Variants in ATRX observed in about 807,000 individuals in gnomAD.
ATRX encodes the protein ATRX chromatin remodeler, also known as chromatin remodeler ATRX.
A neutral mutation model predicts 172.6 loss-of-function variants in ATRX; 12 were observed. The observed-to-expected ratio is 0.07, with a 90% CI of 0.04 to 0.11. ATRX has a LOEUF of 0.11. Among genes scored for constraint, ATRX ranks in the 10% least tolerant of loss-of-function variants. The pLI is 1.00. For missense variants in ATRX, 1,368 were observed against 1,767.4 expected, an observed-to-expected ratio of 0.77 and a Z score of 4.05; for synonymous variants, 674 against 594.7, an observed-to-expected ratio of 1.13 and a Z score of -1.94.
chrX:77,649,369 A>T (rs1205536585), intron 15 of ATRX, among the ~76,000 whole-genome samples: 2 of 112,137 alleles, frequency 1.8e-5, no homozygotes, highest in East Asian at 2.8e-4. Flanking sequence ...TTATAATTTT[A>T]AAAAAATAAA....
At chrX:77,693,033 T>C (rs2071994753) in intron 6 of ATRX, among the ~76,000 whole-genome samples, 1 of 110,734 alleles carries the variant, frequency 9.0e-6, no homozygotes, top group East Asian at 2.8e-4. Flanking sequence ...ACTACAGGCA[T>C]GCGCCGCTAT....
chrX:77,743,248 G>A (rs1205364040), intron 1 of ATRX, among the ~76,000 whole-genome samples: 2 of 111,111 alleles, frequency 1.8e-5, no homozygotes, highest in Admixed American at 9.6e-5. Flanking sequence ...AAGGAACTCC[G>A]CCTGGACTGG....
chrX:77,613,693 T>A (rs925193466), intron 22 of ATRX, among the ~76,000 whole-genome samples: 1 of 112,412 alleles, frequency 8.9e-6, no homozygotes, highest in East Asian at 2.8e-4. Flanking sequence ...AAGGGACAAC[T>A]ATATTCTGCA....
rs191031292 is a variant in ATRX at position 77,729,879 on chromosome X, G to A, written c.21-12636C>T. Among the ~76,000 whole-genome samples the A allele has an allele frequency of 6.2e-5, 7 of 112,029 alleles. No homozygotes were observed. The Admixed American group carries it at 6.7e-4, about 11-fold the overall frequency. On this transcript the variant is annotated intron_variant, in intron 1 of 34. Coordinates refer to ENST00000373344, the MANE Select transcript of ATRX (RefSeq NM_000489.6). ...TTGAACCCGGGAGGCAGAGGCTGCAGTGAGCCAAGATCACGTCACCGCACT... is the reference window on the plus strand; with the variant it reads ...TTGAACCCGGGAGGCAGAGGCTGCAATGAGCCAAGATCACGTCACCGCACT...
At chrX:77,704,048 G>C (rs1381510776) in intron 2 of ATRX, among the ~76,000 whole-genome samples, 1 of 111,279 alleles carries the variant, frequency 9.0e-6, no homozygotes. Context: ...TCTCAGGAGA[G>C]AGGAGGCCTG....
rs1400501124 is a variant in ATRX, at chrX:77,539,326, C to T, written c.6700-15925G>A. Among the ~76,000 whole-genome samples the T allele has an allele frequency of 5.4e-5, 6 of 111,017 alleles. No individual in the cohort carries two copies. In the Admixed American group the frequency reaches 5.8e-4, roughly 11 times the overall value. ...GTATAAGCACTCAATATATATATTA[C>T]TCCCTTTCCCATACTGGTTTTTAAA... On this transcript the variant is annotated intron_variant, in intron 30 of 34. Coordinates refer to ENST00000373344, the MANE Select transcript of ATRX (RefSeq NM_000489.6).
At chrX:77,610,941 AT>A (rs1283978056) in intron 22 of ATRX, among the ~76,000 whole-genome samples, 1 of 108,414 alleles carries the variant, frequency 9.2e-6, no homozygotes, top group East Asian at 2.8e-4. Context: ...CATTAAAAAA[AT>A]AATAAATAAA....
chrX:77,682,572 A>G lies in ATRX; in HGVS notation c.2684T>C (p.Val895Ala). Residue 895 changes from valine to alanine, a missense_variant, in exon 9 of 35, where the codon GTT becomes GCT. Physicochemically the swap from Val to Ala is moderately conservative, Grantham distance 64. Around this residue, in one of 17 missense-constraint regions of ATRX, gnomAD observed 843 missense variants for 643.1 expected, o/e 1.31. Transcript: ENST00000373344. Reference protein sequence around the residue: ...RETFSSAEGTVDKDTTIMELR... With the variant: ...RETFSSAEGTADKDTTIMELR... ...TTCCATGATGGTCGTGTCTTTATCA[A>G]CTGTGCCTTCTGCTGAAGAGAAAGT... The G allele has an allele frequency of 8.3e-7, 1 of 1,210,878 alleles. No homozygotes were observed. Among genetic ancestry groups the G allele is most frequent in the Non-Finnish European group, 1.1e-6 (1 of 895,152 alleles).
chrX:77,559,449 CTTTTTTTTTT>C (rs782028709), intron 28 of ATRX, among the ~76,000 whole-genome samples: 1 of 41,684 alleles, frequency 2.4e-5, no homozygotes, highest in African/African-American at 1.3e-4. Flanking sequence ...CTTTCTTTCC[CTTTTTTTTTT>C]TTTTTTTTTT....
At chrX:77,687,863 T>C (rs1557144839) in intron 7 of ATRX, among the ~76,000 whole-genome samples, 1 of 112,166 alleles carries the variant, frequency 8.9e-6, no homozygotes, top group African/African-American at 3.2e-5. Flanking sequence ...CAGCTTTTTA[T>C]TGGGAAACAA....
intron 22 of ATRX, among the ~76,000 whole-genome samples, chrX:77,612,681 A>T (rs1305785462): frequency 1.1e-4 from 12 of 111,973 alleles, no homozygotes; most frequent in African/African-American, 3.9e-4. Context: ...TACAAACATC[A>T]TCACTCTCTA....
intron 27 of ATRX, among the ~76,000 whole-genome samples, chrX:77,580,982 T>C (rs1472026297): frequency 2.7e-5 from 3 of 112,124 alleles, no homozygotes; most frequent in Non-Finnish European, 5.6e-5. Flanking sequence ...AAAAACAGTG[T>C]AAAGTTGTTA....
intron 5 of ATRX, among the ~76,000 whole-genome samples, chrX:77,694,902 G>GC (rs2072099317): frequency 4.1e-5 from 2 of 49,077 alleles, no homozygotes; most frequent in South Asian, 2.6e-3. Flanking sequence ...CTGAAAGGGT[G>GC]GGGGGGGGGA....
chrX:77,504,999 A>C lies in ATRX; in HGVS notation c.*3352T>G. On this transcript the variant is annotated 3_prime_UTR_variant, in exon 35 of 35. Transcript: ENST00000373344. Reference sequence around the variant, plus strand: ...GACTGGCTCAGATTATAGACTTGAAAAAAAATAACGGTAGAAAAATGTTTA... The same window carrying C: ...GACTGGCTCAGATTATAGACTTGAACAAAAATAACGGTAGAAAAATGTTTA... 1.2e-5 allele frequency: 2 copies of C among 168,295 alleles called. No individual in the cohort carries two copies. The highest frequency in any genetic ancestry group is 2.3e-5 in the Non-Finnish European group (2 of 86,786). 13.9% of individuals were successfully genotyped at this position (168,295 alleles called of 1,213,427 possible).
At chrX:77,726,087 T>C (rs1417850516) in intron 1 of ATRX, among the ~76,000 whole-genome samples, 1 of 111,577 alleles carries the variant, frequency 9.0e-6, no homozygotes, top group African/African-American at 3.3e-5. Flanking sequence ...GATCTAGAAC[T>C]AGAAATACCA....
chrX:77,617,280 C>T (rs2067393429), intron 21 of ATRX, among the ~76,000 whole-genome samples: 1 of 111,833 alleles, frequency 8.9e-6, no homozygotes, highest in African/African-American at 3.2e-5. Context: ...AAAAACAGAA[C>T]ACCAATGTGC....
chrX:77,686,825 C>T (rs1208836921), intron 7 of ATRX, among the ~76,000 whole-genome samples: 3 of 111,051 alleles, frequency 2.7e-5, no homozygotes, highest in Non-Finnish European at 5.7e-5. Flanking sequence ...TTTCCATACA[C>T]TCAAGTACCA....
intron 15 of ATRX, among the ~76,000 whole-genome samples, chrX:77,637,994 A>T (rs782148448): frequency 9.1e-6 from 1 of 110,429 alleles, no homozygotes; most frequent in East Asian, 2.8e-4. Context: ...AAAAAAAATT[A>T]AAAAACAAAA....
chrX:77,657,902 C>T (rs1027855328), intron 12 of ATRX, among the ~76,000 whole-genome samples: 1 of 111,693 alleles, frequency 9.0e-6, no homozygotes, highest in Non-Finnish European at 1.9e-5. Flanking sequence ...AAAAGTTAAC[C>T]GTGAGAGTAA....
Sources: gnomAD v4.1 joint callset for allele counts (sites outside exome capture counted in the v4.1 genomes callset) on GRCh38, gnomAD v4.1.1 for gene constraint, gnomAD v4.1.1 regional missense constraint, MANE v1.5 for transcripts, NCBI Gene and HGNC (gene_info 2026-07-23, HGNC 2026-07-21) for gene names.